Variants in JAZF1 observed in about 807,000 individuals in gnomAD.
JAZF1 encodes JAZF zinc finger 1, also known as juxtaposed with another zinc finger protein 1.
JAZF1 carries 8 observed loss-of-function variants against 26.4 expected under a neutral mutation model. The ratio of observed to expected loss-of-function variants is 0.30; its 90% CI spans 0.18 to 0.55. The LOEUF (loss-of-function observed/expected upper bound fraction) is 0.55. Ranked by LOEUF, JAZF1 falls within the 20% of genes least tolerant of loss-of-function variation. The probability of loss-of-function intolerance (pLI) is 0.94; values close to 1 mark genes in which losing one functional copy is unlikely to be tolerated. For synonymous variants in JAZF1, 126 were observed against 122.3 expected (o/e 1.03, Z -0.20); for missense variants, 199 against 322.0 (o/e 0.62, Z 2.92).
chr7:28,012,023 G>A (rs17623849), intron 1 of JAZF1, among the ~76,000 whole-genome samples: 7,614 of 152,198 alleles, frequency 0.05, 254 homozygotes, highest in Non-Finnish European at 0.08. Context: ...CGACATGCCC[G>A]TAAAGCTGTT....
chr7:27,968,818 G>A (rs1286009222), intron 2 of JAZF1, among the ~76,000 whole-genome samples: 3 of 152,064 alleles, frequency 2.0e-5, no homozygotes, highest in Non-Finnish European at 4.4e-5. Flanking sequence ...ATGATAAAAT[G>A]GGCAATAAAA....
chr7:27,989,699 G>A (rs1356843115), intron 2 of JAZF1, among the ~76,000 whole-genome samples: 2 of 152,164 alleles, frequency 1.3e-5, no homozygotes, highest in African/African-American at 4.8e-5. Context: ...ATCATCACTG[G>A]CCATCAGAGA....
intron 3 of JAZF1, among the ~76,000 whole-genome samples, chr7:27,876,620 C>T (rs1783685103): frequency 6.6e-6 from 1 of 152,168 alleles, no homozygotes; most frequent in African/African-American, 2.4e-5. Context: ...TATTAAACTG[C>T]TTTTATCTCA....
chr7:27,835,082 T>G (rs1782779464), intron 4 of JAZF1, among the ~76,000 whole-genome samples: 2 of 152,164 alleles, frequency 1.3e-5, no homozygotes. Context: ...ACTAAAATAT[T>G]TCATGTCCTT....
chr7:28,124,223 G>A (rs1360781689), intron 1 of JAZF1, among the ~76,000 whole-genome samples: 2 of 152,196 alleles, frequency 1.3e-5, no homozygotes, highest in African/African-American at 2.4e-5. Context: ...TGCATGCACA[G>A]AGGAAAGACC....
intron 3 of JAZF1, among the ~76,000 whole-genome samples, chr7:27,889,787 C>G (rs1471076357): frequency 2.0e-5 from 3 of 152,064 alleles, no homozygotes; most frequent in African/African-American, 7.2e-5. Flanking sequence ...CAAAAATTAG[C>G]TGGGTGGTGT....
intron 1 of JAZF1, among the ~76,000 whole-genome samples, chr7:28,127,977 A>G (rs1251703610): frequency 1.3e-5 from 2 of 152,212 alleles, no homozygotes; most frequent in Admixed American, 1.3e-4. Context: ...TATGGGAACT[A>G]CAATTCAAGA....
At chr7:28,141,147 T>C (rs926627966) in intron 1 of JAZF1, among the ~76,000 whole-genome samples, 5 of 152,262 alleles carry the variant, frequency 3.3e-5, no homozygotes, top group Admixed American at 1.3e-4. Context: ...CCTGTTACAG[T>C]GAAATCCCAA....
chr7:28,028,151 T>A (rs1783124732), intron 1 of JAZF1, among the ~76,000 whole-genome samples: 1 of 152,208 alleles, frequency 6.6e-6, no homozygotes, highest in Non-Finnish European at 1.5e-5. Context: ...CAACCTATCT[T>A]CTGCAAAGCA....
intron 1 of JAZF1, among the ~76,000 whole-genome samples, chr7:28,010,761 C>A (rs1440088676): frequency 6.6e-6 from 1 of 152,230 alleles, no homozygotes; most frequent in Non-Finnish European, 1.5e-5. Context: ...GCATTTAGCA[C>A]AAGGGCTGGT....
intron 1 of JAZF1, among the ~76,000 whole-genome samples, chr7:28,094,282 C>T (rs1203700800): frequency 6.6e-6 from 1 of 152,172 alleles, no homozygotes; most frequent in Non-Finnish European, 1.5e-5. Flanking sequence ...TCCCTTTTCC[C>T]ATCAATACAG....
intron 1 of JAZF1, among the ~76,000 whole-genome samples, chr7:27,994,151 A>T (rs1302784148): frequency 6.6e-6 from 1 of 152,118 alleles, no homozygotes; most frequent in South Asian, 2.1e-4. Context: ...CAAGCTCTAG[A>T]ATCTCTTTGG....
At chr7:28,058,796 T>C (rs1157856006) in intron 1 of JAZF1, among the ~76,000 whole-genome samples, 1 of 152,242 alleles carries the variant, frequency 6.6e-6, no homozygotes, top group Non-Finnish European at 1.5e-5. Context: ...TTTTTGTTAC[T>C]GATTTTATAG....
In JAZF1 at chr7:27,844,724, A is replaced by C. The variant is rs944122643; in HGVS notation, c.386-3857T>G. On this transcript the variant is annotated intron_variant, in intron 3 of 4. Coordinates refer to ENST00000283928, the MANE Select transcript of JAZF1 (RefSeq NM_175061.4). ...AATAAATTTTTTATAAGTAGGTACA[A>C]AGAATTAATACCCCCTTCTCGCACC... Among the ~76,000 whole-genome samples, 4 of 152,364 alleles carry C rather than the reference A, an allele frequency of 2.6e-5. No homozygotes were observed. The East Asian group carries it at 7.7e-4, about 29-fold the overall frequency.
At chr7:28,071,673 T>TA (rs773772233) in intron 1 of JAZF1, 1 of 470,390 alleles carries the variant, frequency 2.1e-6, no homozygotes. Flanking sequence ...TGACGGCACT[T>TA]ACAGCTGATT....
At chr7:28,049,001 CT>C (rs1783543140) in intron 1 of JAZF1, among the ~76,000 whole-genome samples, 1 of 144,154 alleles carries the variant, frequency 6.9e-6, no homozygotes, top group East Asian at 2.0e-4. Flanking sequence ...CCTTCCTTCC[CT>C]TCCTTCCTCC....
At chr7:27,861,113 C>T (rs1342097667) in intron 3 of JAZF1, among the ~76,000 whole-genome samples, 5 of 152,144 alleles carry the variant, frequency 3.3e-5, no homozygotes, top group African/African-American at 9.7e-5. Context: ...TGTCTGAGGA[C>T]GTCTTCATTC....
intron 3 of JAZF1, among the ~76,000 whole-genome samples, chr7:27,854,823 C>G (rs773129599): frequency 3.9e-5 from 6 of 152,194 alleles, no homozygotes; most frequent in Non-Finnish European, 8.8e-5. Context: ...CTTGGTGAAT[C>G]TGACAATTAT....
intron 3 of JAZF1, among the ~76,000 whole-genome samples, chr7:27,875,252 A>G (rs1783656401): frequency 6.6e-6 from 1 of 152,054 alleles, no homozygotes; most frequent in South Asian, 2.1e-4. Context: ...CTACTCCAAA[A>G]CATTCCGAGT....
Sources: allele counts gnomAD v4.1 joint callset (sites outside exome capture counted in the v4.1 genomes callset), GRCh38; gene constraint gnomAD v4.1.1; transcripts MANE v1.5; gene names NCBI Gene and HGNC (gene_info 2026-07-23, HGNC 2026-07-21).